PRDX5: variants seen among roughly 807,000 people sequenced by gnomAD.
PRDX5 encodes peroxiredoxin-5, mitochondrial.
PRDX5 carries 21 observed loss-of-function variants against 23.8 expected under a neutral mutation model. The ratio of observed to expected loss-of-function variants is 0.88; its 90% CI spans 0.63 to 1.27. The LOEUF (loss-of-function observed/expected upper bound fraction) is 1.27. Ranked by LOEUF, PRDX5 falls within the 50% of genes most tolerant of loss-of-function variation. The pLI is 0.00. For synonymous variants in PRDX5, 111 were observed against 113.3 expected (o/e 0.98, Z 0.13); for missense variants, 261 against 270.6 (o/e 0.96, Z 0.25).
At chr11:64,321,499 T>C in intron 5 of PRDX5, 87 bp from the exon 6 acceptor site, 1 of 1,553,628 alleles carries the variant, frequency 6.4e-7, no homozygotes, top group Non-Finnish European at 8.7e-7. Context: ...TGGAGTTCTC[T>C]TGGGCCCCTG....
chr11:64,320,869 G>T lies in PRDX5; in HGVS notation c.443G>T (p.Arg148Leu). 1 of 1,614,214 alleles carries T rather than the reference G, an allele frequency of 6.2e-7. No homozygotes were observed. The highest frequency in any genetic ancestry group is 8.5e-7 in the Non-Finnish European group (1 of 1,180,038). Residue 148 changes from arginine (R) to leucine (L), a missense_variant, in exon 4 of 6, where the codon CGG (arginine) becomes CTG (leucine). Physicochemically the swap from Arg to Leu is moderately radical, Grantham distance 102. Transcript: ENST00000265462. ...GRAHKAEGKV[R>L]LLADPTGAFG... ...TGACCTTTACTTTCTCTGCAGGTTC[G>T]GCTCCTGGCTGATCCCACTGGGGCC...
intron 1 of PRDX5, among the ~76,000 whole-genome samples, 193 bp downstream of exon 1, chr11:64,318,579 A>G (rs2035391099): frequency 1.3e-5 from 2 of 151,644 alleles, no homozygotes; most frequent in Admixed American, 1.3e-4. Flanking sequence ...CTCCCGGGAC[A>G]GTCCCGAGGC....
chr11:64,321,509 G>A, intron 5 of PRDX5, 77 bp from the exon 6 acceptor site: 1 of 1,566,616 alleles, frequency 6.4e-7, no homozygotes, highest in Non-Finnish European at 8.7e-7. Flanking sequence ...TTGGGCCCCT[G>A]GCTGTTCACT....
chr11:64,319,277 C>G (rs2035421967), intron 1 of PRDX5, among the ~76,000 whole-genome samples: 1 of 152,036 alleles, frequency 6.6e-6, no homozygotes, highest in Non-Finnish European at 1.5e-5. Context: ...TGGACACCCT[C>G]CCCCAACGTT....
At chr11:64,319,260 A>G (rs2035421115) in intron 1 of PRDX5, among the ~76,000 whole-genome samples, 2 of 151,798 alleles carry the variant, frequency 1.3e-5, no homozygotes, top group Non-Finnish European at 2.9e-5. Context: ...TCCTGGGTGT[A>G]GGGGCCTGGA....
rs749603942 is a variant in PRDX5, at chr11:64,321,575, C to T, written c.540-11C>T. The T allele has an allele frequency of 6.2e-7, 1 of 1,611,730 alleles. No individual in the cohort carries two copies. Among genetic ancestry groups the T allele is most frequent in the Non-Finnish European group, 8.5e-7 (1 of 1,178,474 alleles). Reference sequence around the variant, plus strand: ...GGCTGATGCAGCTGGCTGGGCCCCTCTTTCCGGCAGGTTCTCCATGGTGGT... The same window carrying T: ...GGCTGATGCAGCTGGCTGGGCCCCTTTTTCCGGCAGGTTCTCCATGGTGGT... On this transcript the variant is annotated splice_polypyrimidine_tract_variant and intron_variant, in intron 5 of 5. Transcript: ENST00000265462.
chr11:64,319,761 G>T lies in PRDX5; in HGVS notation c.199G>T (p.Val67Leu). ...KVGDAIPAVE[V>L]FEGEPGNKVN... Reference sequence around the variant, plus strand: ...GGGAGATGCCATCCCAGCAGTGGAGGTGTTTGAAGGGGAGCCAGGGAACAA... The same window carrying T: ...GGGAGATGCCATCCCAGCAGTGGAGTTGTTTGAAGGGGAGCCAGGGAACAA... Residue 67 changes from valine to leucine, a missense_variant, in exon 2 of 6, where the codon GTG (valine) becomes TTG (leucine). Physicochemically the swap from Val to Leu is conservative, Grantham distance 32. Transcript: ENST00000265462. The T allele has an allele frequency of 1.2e-6, 2 of 1,614,108 alleles. No individual in the cohort carries two copies. Among genetic ancestry groups the T allele is most frequent in the Non-Finnish European group, 1.7e-6 (2 of 1,179,968 alleles).
intron 1 of PRDX5, among the ~76,000 whole-genome samples, chr11:64,319,030 T>C (rs1330276131): frequency 6.6e-6 from 1 of 151,682 alleles, no homozygotes; most frequent in African/African-American, 2.4e-5. Flanking sequence ...TTCACTCACT[T>C]CCTGGAACCG....
At chr11:64,318,495 T>G (rs2079786) in intron 1 of PRDX5, 109 bp downstream of exon 1, 37,821 of 1,389,382 alleles carry the variant, frequency 0.027, 3,477 homozygotes, top group African/African-American at 0.23. Context: ...ACCCCTCCCC[T>G]CCGCCCGCCC....
In PRDX5 at chr11:64,318,296, A is replaced by C. The variant is rs563893744; in HGVS notation, c.81A>C (p.Ala27=). 93 of 1,612,444 alleles carry C rather than the reference A, an allele frequency of 5.8e-5. No homozygotes were observed. The highest frequency in any genetic ancestry group is 7.5e-5 in the Non-Finnish European group (89 of 1,179,854). The change falls in exon 1 of 6, where the codon GCA becomes GCC. Residue 27 remains alanine (A), a synonymous_variant. Coordinates refer to ENST00000265462, the MANE Select transcript of PRDX5 (RefSeq NM_012094.5). ...LVGGAGGQSA[A]AAARRYSEGE... is the part of the protein sequence containing the mutation. ...GTGGGGCCGGCGGTCAGTCTGCGGC[A>C]GCGGCAGCAAGACGGTACAGTGAAG...
chr11:64,319,532 G>A (rs1311952307), intron 1 of PRDX5, among the ~76,000 whole-genome samples: 1 of 152,206 alleles, frequency 6.6e-6, no homozygotes, highest in African/African-American at 2.4e-5. Flanking sequence ...AGAGGAGCAG[G>A]GCCACCTTGA....
chr11:64,318,698 T>A (rs2035396368), intron 1 of PRDX5, among the ~76,000 whole-genome samples: 1 of 152,106 alleles, frequency 6.6e-6, no homozygotes, highest in African/African-American at 2.4e-5. Flanking sequence ...CCTCCCGGGT[T>A]CAAGCGATTC....
At chr11:64,320,966 C>T in intron 4 of PRDX5, 41 bp from the exon 5 acceptor site, 4 of 1,613,996 alleles carry the variant, frequency 2.5e-6, no homozygotes, top group Non-Finnish European at 3.4e-6. Context: ...GGCCCTTAGC[C>T]TCTTCAAGGA....
rs1363048725 is a variant in PRDX5, at chr11:64,318,481, C to G, written c.171+95C>G. Reference sequence around the variant, plus strand: ...AGAGTATCGCTTTATTTCCTGCCTGCCAGACCCCTCCCCTCCGCCCGCCCG... The same window carrying G: ...AGAGTATCGCTTTATTTCCTGCCTGGCAGACCCCTCCCCTCCGCCCGCCCG... On this transcript the variant is annotated intron_variant, in intron 1 of 5. Coordinates refer to ENST00000265462, the MANE Select transcript of PRDX5 (RefSeq NM_012094.5). The G allele has an allele frequency of 2.1e-6, 3 of 1,441,680 alleles. No homozygotes were observed. The African/African-American group carries it at 4.3e-5, about 21-fold the overall frequency. 89.3% of individuals were successfully genotyped at this position (1,441,680 alleles called of 1,614,324 possible).
At chr11:64,319,545 C>T (rs1591256087) in intron 1 of PRDX5, among the ~76,000 whole-genome samples, 189 bp from the exon 2 acceptor site, 1 of 152,352 alleles carries the variant, frequency 6.6e-6, no homozygotes, top group East Asian at 1.9e-4. Flanking sequence ...CACCTTGAAA[C>T]TTGGAGGATA....
chr11:64,319,613 T>G (rs2035434627), intron 1 of PRDX5, 121 bp from the exon 2 acceptor site: 5 of 1,279,860 alleles, frequency 3.9e-6, no homozygotes, highest in Non-Finnish European at 5.4e-6. Context: ...AGGGCTGGAG[T>G]ATCCTGCTGG....
At position 64,319,720 on chromosome 11, in the gene PRDX5, G is replaced by T. The variant is rs1291035599; in HGVS notation, c.172-14G>T. ...GCTCCCTCACCCCCCTTACCCTGGA[G>T]TCCTTCCTTCTAGGTGGGAGATGCC... On this transcript the variant is annotated splice_polypyrimidine_tract_variant and intron_variant, in intron 1 of 5. Transcript: ENST00000265462. 1.9e-6 allele frequency: 3 copies of T among 1,612,272 alleles called. No individual in the cohort carries two copies. Among genetic ancestry groups the T allele is most frequent in the Non-Finnish European group, 2.5e-6 (3 of 1,179,192 alleles).
chr11:64,320,946 G>C, intron 4 of PRDX5, 43 bp downstream of exon 4: 1 of 1,613,954 alleles, frequency 6.2e-7, no homozygotes. Flanking sequence ...GCAGTGCGGG[G>C]AGCAGTGGGG....
At chr11:64,320,398 C>T (rs768949271) in intron 2 of PRDX5, among the ~76,000 whole-genome samples, 2 of 152,068 alleles carry the variant, frequency 1.3e-5, no homozygotes, top group Non-Finnish European at 2.9e-5. Context: ...TGCTAAATGA[C>T]AGGCACTGTG....
Sources: allele counts gnomAD v4.1 joint callset (sites outside exome capture counted in the v4.1 genomes callset), GRCh38; gene constraint gnomAD v4.1.1; transcripts MANE v1.5; gene names NCBI Gene and HGNC (gene_info 2026-07-23, HGNC 2026-07-21).